PARD6B: variants seen among roughly 807,000 people sequenced by gnomAD.
PARD6B encodes par-6 family cell polarity regulator beta.
PARD6B carries 4 observed loss-of-function variants against 10.5 expected under a neutral mutation model. The ratio of observed to expected loss-of-function variants is 0.38; its 90% confidence interval spans 0.19 to 0.87. PARD6B has a LOEUF of 0.87. Among genes scored for constraint, PARD6B ranks in the 40% least tolerant of loss-of-function variants. The pLI is 0.41. For synonymous variants in PARD6B, 169 were observed against 170.4 expected (o/e 0.99, Z 0.07); for missense variants, 396 against 470.6 (o/e 0.84, Z 1.47).
In PARD6B at chr20:50,750,254, CATT is replaced by C; in HGVS notation, c.888_890del (p.Ile298del). The C allele has an allele frequency of 1.2e-6, 2 of 1,614,194 alleles. No homozygotes were observed. The highest frequency in any genetic ancestry group is 2.2e-5 in the East Asian group (1 of 44,886). On this transcript the variant is annotated inframe_deletion, in exon 3 of 3. Transcript: ENST00000371610. ...AGGATGAAGACAGCGAAGAAGATGACATTATCATTGAAGACAATGGAGTGCCAC... is the reference window on the plus strand; with the variant it reads ...AGGATGAAGACAGCGAAGAAGATGACATCATTGAAGACAATGGAGTGCCAC...
At chr20:50,737,763 C>T (rs2087507376) in intron 1 of PARD6B, 94 bp from the exon 2 acceptor site, 4 of 790,786 alleles carry the variant, frequency 5.1e-6, no homozygotes, top group African/African-American at 1.8e-5. Flanking sequence ...AAAATACTTG[C>T]TCTGCTCGTT....
chr20:50,745,207 A>C (rs1157848861), intron 2 of PARD6B, among the ~76,000 whole-genome samples: 1 of 152,182 alleles, frequency 6.6e-6, no homozygotes, highest in Non-Finnish European at 1.5e-5. Context: ...AGGTGGGCGG[A>C]TCGCCCAACG....
chr20:50,740,598 A>G (rs1363262420), intron 2 of PARD6B, among the ~76,000 whole-genome samples: 1 of 152,046 alleles, frequency 6.6e-6, no homozygotes, highest in Non-Finnish European at 1.5e-5. Context: ...GATGGTTTTT[A>G]TTGTTGTCAT....
intron 2 of PARD6B, among the ~76,000 whole-genome samples, chr20:50,738,995 T>C (rs1274563867): frequency 6.6e-6 from 1 of 151,204 alleles, no homozygotes; most frequent in Admixed American, 6.7e-5. Context: ...TGTATGTATG[T>C]GTGTCTGCAG....
Position 50,752,219 on chromosome 20 carries a change from G to A in PARD6B, c.*1731G>A, listed in dbSNP as rs2087616585. The stretch of plus-strand genomic sequence containing the variant: ...ATCATTCCTTTTATTGTTAGTGTGT[G>A]TATTTTTGTTGGTGTGCTTTTAATG... On this transcript the variant is annotated 3_prime_UTR_variant, in exon 3 of 3. Transcript: ENST00000371610. 3.0e-6 allele frequency: 3 copies of A among 985,262 alleles called. No individual in the cohort carries two copies. The highest frequency in any genetic ancestry group is 9.4e-5 in the South Asian group (2 of 21,278). The allele number at this position is 985,262 out of a possible 1,614,324, so 61.0% of individuals were successfully genotyped here. A position where few individuals can be genotyped will look rare whatever the true frequency, so the allele number is the denominator to read the frequency against.
intron 2 of PARD6B, among the ~76,000 whole-genome samples, chr20:50,747,065 A>T (rs1009354535): frequency 6.6e-6 from 1 of 152,236 alleles, no homozygotes; most frequent in Non-Finnish European, 1.5e-5. Flanking sequence ...ATGCCAAAAA[A>T]ATAAGATACC....
chr20:50,736,011 G>C (rs1288543661), intron 1 of PARD6B, among the ~76,000 whole-genome samples: 1 of 152,206 alleles, frequency 6.6e-6, no homozygotes, highest in Non-Finnish European at 1.5e-5. Flanking sequence ...TATTTACTTT[G>C]AAATGTGAAG....
At chr20:50,747,489 C>CTCTTT (rs2087574649) in intron 2 of PARD6B, among the ~76,000 whole-genome samples, 2 of 33,352 alleles carry the variant, frequency 6.0e-5, no homozygotes, top group Non-Finnish European at 1.0e-4. Context: ...TTCTTTCTTT[C>CTCTTT]TTTTTTTTTT....
At chr20:50,743,779 C>T (rs911203554) in intron 2 of PARD6B, among the ~76,000 whole-genome samples, 15 of 151,562 alleles carry the variant, frequency 9.9e-5, no homozygotes, top group South Asian at 2.1e-4. Flanking sequence ...GTCCCAGCTA[C>T]TCGGAAGGCT....
rs1446361813 is a variant in PARD6B at position 50,750,035 on chromosome 20, A to G, written c.666A>G (p.Glu222=). The G allele has an allele frequency of 1.2e-6, 2 of 1,614,220 alleles. No homozygotes were observed. The highest frequency in any genetic ancestry group is 1.7e-6 in the Non-Finnish European group (2 of 1,180,042). ...AAGTTTTAGAAGTTAATGGCATAGAAGTTTCAGGGAAGAGCCTTGATCAAG... is the reference window on the plus strand; with the variant it reads ...AAGTTTTAGAAGTTAATGGCATAGAGGTTTCAGGGAAGAGCCTTGATCAAG... The part of the protein sequence containing the change: ...NDEVLEVNGI[E]VSGKSLDQVT... The change falls in exon 3 of 3, where the codon GAA becomes GAG. Residue 222 remains glutamate (E), a synonymous_variant. Transcript: ENST00000371610.
chr20:50,734,389 C>T (rs76133176), intron 1 of PARD6B, among the ~76,000 whole-genome samples: 3 of 151,918 alleles, frequency 2.0e-5, no homozygotes, highest in East Asian at 1.9e-4. Flanking sequence ...CTCTGTCACC[C>T]GGGCTGGAGT....
At chr20:50,748,574 C>T (rs544230637) in intron 2 of PARD6B, among the ~76,000 whole-genome samples, 4 of 152,174 alleles carry the variant, frequency 2.6e-5, no homozygotes, top group South Asian at 2.1e-4. Context: ...GTTTTGTTAC[C>T]GAGGCTGGAG....
chr20:50,750,620 ATT>A lies in PARD6B; in HGVS notation c.*133_*134del. On this transcript the variant is annotated 3_prime_UTR_variant, in exon 3 of 3. Coordinates refer to ENST00000371610, the MANE Select transcript of PARD6B (RefSeq NM_032521.3). ...ACGAGTAACGTTGCAAGCTTACAAT[ATT>A]ATTAAAGTAGTAGTTTGATAATTGT... The A allele has an allele frequency of 7.0e-7, 1 of 1,425,524 alleles. No individual in the cohort carries two copies. The highest frequency in any genetic ancestry group is 9.1e-7 in the Non-Finnish European group (1 of 1,094,000). 88.3% of individuals were successfully genotyped at this position (1,425,524 alleles called of 1,614,324 possible).
At position 50,752,458 on chromosome 20, in the gene PARD6B, A is replaced by G. The variant is rs1362596707; in HGVS notation, c.*1970A>G. 2 of 985,626 alleles carry G rather than the reference A, an allele frequency of 2.0e-6. No individual in the cohort carries two copies. Among genetic ancestry groups the G allele is most frequent in the Non-Finnish European group, 2.4e-6 (2 of 829,812 alleles). 61.1% of individuals were successfully genotyped at this position (985,626 alleles called of 1,614,324 possible). A position where few individuals can be genotyped will look rare whatever the true frequency, so the allele number is the denominator to read the frequency against. On this transcript the variant is annotated 3_prime_UTR_variant, in exon 3 of 3. Coordinates refer to ENST00000371610, the MANE Select transcript of PARD6B (RefSeq NM_032521.3). ...CACTATTAATTTTATGAGGCTATTT[A>G]TTACTTTCCAATGCATCCACTTAGA...
At chr20:50,739,224 A>G (rs1028739585) in intron 2 of PARD6B, among the ~76,000 whole-genome samples, 1 of 151,856 alleles carries the variant, frequency 6.6e-6, no homozygotes, top group East Asian at 1.9e-4. Flanking sequence ...AGGCGGGCGG[A>G]TCATCTGAGG....
Position 50,752,655 on chromosome 20 carries a change from T to G in PARD6B, c.*2167T>G. On this transcript the variant is annotated 3_prime_UTR_variant, in exon 3 of 3. Coordinates refer to ENST00000371610, the MANE Select transcript of PARD6B (RefSeq NM_032521.3). ...AATTAACTTTATGGTAGGGCTAGTA[T>G]GAATACCTTTTTAACAATTGTGTGC... The G allele has an allele frequency of 1.0e-6, 1 of 979,210 alleles. No homozygotes were observed. The highest frequency in any genetic ancestry group is 1.2e-6 in the Non-Finnish European group (1 of 823,866). The allele number at this position is 979,210 out of a possible 1,614,324, so 60.7% of individuals were successfully genotyped here.
intron 2 of PARD6B, among the ~76,000 whole-genome samples, chr20:50,742,879 C>T (rs532683795): frequency 2.0e-5 from 3 of 152,150 alleles, no homozygotes; most frequent in Non-Finnish European, 2.9e-5. Context: ...ACCCCATACT[C>T]TATTCCTAGA....
chr20:50,731,663 A>T lies in PARD6B; in HGVS notation c.-124A>T. The T allele has an allele frequency of 1.4e-6, 1 of 699,826 alleles. No individual in the cohort carries two copies. The highest frequency in any genetic ancestry group is 2.1e-6 in the Non-Finnish European group (1 of 472,972). 43.4% of individuals were successfully genotyped at this position (699,826 alleles called of 1,614,324 possible). On this transcript the variant is annotated 5_prime_UTR_variant, in exon 1 of 3. Coordinates refer to ENST00000371610, the MANE Select transcript of PARD6B (RefSeq NM_032521.3). ...CCGGAGCTGCGGCCGCCCCCTCTGC[A>T]GGTGCCTGTGAGGAGGCGCCCGGGC... is the stretch of plus-strand genomic sequence containing the variant.
chr20:50,738,406 C>T (rs760169974), intron 2 of PARD6B, among the ~76,000 whole-genome samples: 1 of 152,188 alleles, frequency 6.6e-6, no homozygotes, highest in Non-Finnish European at 1.5e-5. Flanking sequence ...GGATTATTCT[C>T]CACTCAGAAA....
Sources: allele counts gnomAD v4.1 joint callset (sites outside exome capture counted in the v4.1 genomes callset), GRCh38; gene constraint gnomAD v4.1.1; transcripts MANE v1.5; gene names NCBI Gene and HGNC (gene_info 2026-07-23, HGNC 2026-07-21).